PBX1: variants seen among roughly 807,000 people sequenced by gnomAD.
PBX1 encodes the protein PBX homeobox 1.
A neutral mutation model predicts 53.4 loss-of-function variants in PBX1; 6 were observed. The ratio of observed to expected loss-of-function variants is 0.11; its 90% confidence interval spans 0.06 to 0.22. PBX1 has a LOEUF of 0.22. Among genes scored for constraint, PBX1 ranks in the 10% least tolerant of loss-of-function variants. The probability of loss-of-function intolerance (pLI) is 1.00; values close to 1 mark genes in which losing one functional copy is unlikely to be tolerated. For synonymous variants in PBX1, 204 were observed against 212.3 expected, an observed-to-expected ratio of 0.96 and a Z score of 0.34; for missense variants, 251 against 551.4, an observed-to-expected ratio of 0.46 and a Z score of 5.46.
chr1:164,583,297 G>T (rs74991808), intron 2 of PBX1, among the ~76,000 whole-genome samples: 40 of 149,574 alleles, frequency 2.7e-4, no homozygotes, highest in Non-Finnish European at 4.7e-4. Flanking sequence ...AAAAAAAAAA[G>T]AATAATAGGG....
chr1:164,603,929 ATTTT>A (rs71583414), intron 2 of PBX1, among the ~76,000 whole-genome samples: 88 of 75,714 alleles, frequency 1.2e-3, no homozygotes, highest in African/African-American at 4.5e-3. Context: ...ATGTCATTTC[ATTTT>A]TTTTTTTTTT....
intron 2 of PBX1, among the ~76,000 whole-genome samples, chr1:164,879,708 T>C (rs1451381863): frequency 1.3e-5 from 2 of 152,208 alleles, no homozygotes; most frequent in African/African-American, 4.8e-5. Flanking sequence ...AATACCAATA[T>C]ACCAAGGCAT....
chr1:164,606,834 TATTA>T (rs1473108018), intron 2 of PBX1, among the ~76,000 whole-genome samples: 1 of 152,234 alleles, frequency 6.6e-6, no homozygotes, highest in Non-Finnish European at 1.5e-5. Context: ...TTAATACTAA[TATTA>T]ATACTGCCTT....
chr1:164,648,779 T>C (rs1280117674), intron 2 of PBX1, among the ~76,000 whole-genome samples: 4 of 152,196 alleles, frequency 2.6e-5, no homozygotes. Flanking sequence ...AGAAATCAGC[T>C]TCTGCAGAGA....
intron 2 of PBX1, among the ~76,000 whole-genome samples, chr1:164,638,180 T>C (rs564267161): frequency 6.6e-6 from 1 of 152,346 alleles, no homozygotes; most frequent in South Asian, 2.1e-4. Context: ...ATGGACATAA[T>C]CATGCTGCCT....
intron 2 of PBX1, among the ~76,000 whole-genome samples, chr1:164,575,478 AG>A (rs1654156468): frequency 6.6e-6 from 1 of 152,210 alleles, no homozygotes; most frequent in Non-Finnish European, 1.5e-5. Context: ...CTGTGCTGGT[AG>A]GGCAGAGAGA....
intron 2 of PBX1, among the ~76,000 whole-genome samples, chr1:164,689,655 A>T (rs1662344894): frequency 6.6e-6 from 1 of 152,232 alleles, no homozygotes; most frequent in African/African-American, 2.4e-5. Flanking sequence ...ACGTTAAATC[A>T]TTAAGCTTCT....
chr1:164,581,221 G>A (rs1053773694), intron 2 of PBX1, among the ~76,000 whole-genome samples: 5 of 150,330 alleles, frequency 3.3e-5, no homozygotes, highest in African/African-American at 7.3e-5. Context: ...GCAGCTCCCC[G>A]ACCGCCATTT....
At chr1:164,826,855 A>AT (rs1670492568) in intron 8 of PBX1, among the ~76,000 whole-genome samples, 1 of 152,090 alleles carries the variant, frequency 6.6e-6, no homozygotes, top group Admixed American at 6.5e-5. Context: ...CAAAGGTAAC[A>AT]TGCCGTTAAC....
chr1:164,794,181 T>C (rs374358398), intron 3 of PBX1, among the ~76,000 whole-genome samples: 22 of 152,322 alleles, frequency 1.4e-4, no homozygotes, highest in Non-Finnish European at 1.9e-4. Flanking sequence ...GGCCCCTTTC[T>C]TTTTAAAAGC....
chr1:164,672,806 C>T (rs754570917), intron 2 of PBX1, among the ~76,000 whole-genome samples: 2 of 152,184 alleles, frequency 1.3e-5, no homozygotes, highest in Non-Finnish European at 2.9e-5. Context: ...TGGGGAGTGT[C>T]CTTCCTCACA....
intron 2 of PBX1, among the ~76,000 whole-genome samples, chr1:164,762,753 A>T (rs1666875349): frequency 6.6e-6 from 1 of 152,222 alleles, no homozygotes; most frequent in Admixed American, 6.5e-5. Flanking sequence ...TAGGAACACA[A>T]CAATTAGAAA....
chr1:164,830,750 G>T (rs1202024609), intron 8 of PBX1, among the ~76,000 whole-genome samples: 3 of 152,084 alleles, frequency 2.0e-5, no homozygotes, highest in African/African-American at 7.2e-5. Flanking sequence ...GCCTTTGCTG[G>T]CAGCCTCTGC....
intron 2 of PBX1, among the ~76,000 whole-genome samples, chr1:164,676,558 GAGTTTAT>G (rs1661443737): frequency 6.6e-6 from 1 of 152,208 alleles, no homozygotes; most frequent in African/African-American, 2.4e-5. Flanking sequence ...CACAAGTGTG[GAGTTTAT>G]GGTCAACAGC....
At chr1:164,578,330 T>C (rs554710235) in intron 2 of PBX1, among the ~76,000 whole-genome samples, 5 of 152,334 alleles carry the variant, frequency 3.3e-5, no homozygotes, top group Non-Finnish European at 5.9e-5. Flanking sequence ...TGAAAACTCT[T>C]TATCTTCCAC....
intron 1 of PBX1, among the ~76,000 whole-genome samples, chr1:164,562,525 T>A (rs1002659476): frequency 3.3e-5 from 5 of 149,480 alleles, no homozygotes; most frequent in Non-Finnish European, 7.4e-5. Context: ...AAGACAAAAT[T>A]GCATTTATTT....
At chr1:164,799,102 T>C (rs912476674) in intron 3 of PBX1, among the ~76,000 whole-genome samples, 10 of 152,172 alleles carry the variant, frequency 6.6e-5, no homozygotes, top group African/African-American at 2.2e-4. Flanking sequence ...TGTTTTATAC[T>C]AGAAGTCATA....
chr1:164,800,256 G>A (rs1246871320), intron 4 of PBX1, among the ~76,000 whole-genome samples: 1 of 152,136 alleles, frequency 6.6e-6, no homozygotes, highest in Admixed American at 6.5e-5. Context: ...CTTCAATAAA[G>A]TTTATTCCAT....
intron 6 of PBX1, chr1:164,813,033 C>T (rs1669696828): frequency 6.6e-6 from 1 of 152,062 alleles, no homozygotes; most frequent in Admixed American, 6.5e-5. Flanking sequence ...TAAAAGGTTA[C>T]CAATTTAAAT....
Sources: gnomAD v4.1 joint callset for allele counts (sites outside exome capture counted in the v4.1 genomes callset) on GRCh38, gnomAD v4.1.1 for gene constraint, MANE v1.5 for transcripts, NCBI Gene and HGNC (gene_info 2026-07-23, HGNC 2026-07-21) for gene names.